Variants in CFAP97D2 observed in about 807,000 individuals in gnomAD.
CFAP97D2 encodes the protein CFAP97 domain containing 2.
At position 114,192,089 on chromosome 13, in the gene CFAP97D2, G is replaced by A. The variant is rs1254776457; in HGVS notation, c.91-4307G>A. Among the ~76,000 whole-genome samples, 3 of 152,062 alleles carry A rather than the reference G, an allele frequency of 2.0e-5. No individual in the cohort carries two copies. The East Asian group carries it at 5.8e-4, about 29-fold the overall frequency. On this transcript the variant is annotated intron_variant, in intron 1 of 4. Coordinates refer to ENST00000646158, the Ensembl canonical transcript of CFAP97D2. ...GTGGGTGGGTGGGGGGAGGAAGGAA[G>A]AGCTGGAGCACAGAGGATTTTTAGG...
intron 4 of CFAP97D2, among the ~76,000 whole-genome samples, chr13:114,216,945 A>G (rs1439559011): frequency 6.6e-6 from 1 of 152,174 alleles, no homozygotes; most frequent in African/African-American, 2.4e-5. Context: ...CATCTTCTCC[A>G]GCACCTGTTG....
chr13:114,188,648 G>A (rs2080858883), intron 1 of CFAP97D2, among the ~76,000 whole-genome samples: 1 of 151,534 alleles, frequency 6.6e-6, no homozygotes, highest in Non-Finnish European at 1.5e-5. Flanking sequence ...GTGGTGGTGG[G>A]CGCCTGTAGT....
intron 4 of CFAP97D2, among the ~76,000 whole-genome samples, chr13:114,220,924 T>C (rs2081018514): frequency 6.6e-6 from 1 of 152,166 alleles, no homozygotes; most frequent in African/African-American, 2.4e-5. Flanking sequence ...CAGGGTTAAG[T>C]GAATAACATT....
chr13:114,217,855 C>T (rs975162320), intron 4 of CFAP97D2, among the ~76,000 whole-genome samples: 5 of 152,122 alleles, frequency 3.3e-5, no homozygotes, highest in East Asian at 3.8e-4. Flanking sequence ...TCAATAAATT[C>T]GGTATTGATA....
intron 3 of CFAP97D2, among the ~76,000 whole-genome samples, chr13:114,205,607 C>G (rs935214978): frequency 3.3e-5 from 5 of 151,834 alleles, no homozygotes; most frequent in Non-Finnish European, 7.4e-5. Flanking sequence ...GCATTTAGAA[C>G]AGCTCGTCCC....
chr13:114,212,265 G>A, intron 4 of CFAP97D2: 1 of 394,118 alleles, frequency 2.5e-6, no homozygotes, highest in Admixed American at 4.4e-5. Context: ...CCTGTAACAG[G>A]AGATGCAAAA....
At chr13:114,194,545 G>A (rs1451256133) in intron 1 of CFAP97D2, among the ~76,000 whole-genome samples, 1 of 152,044 alleles carries the variant, frequency 6.6e-6, no homozygotes, top group Non-Finnish European at 1.5e-5. Flanking sequence ...AAGGGAGATC[G>A]GGTCTCCATT....
chr13:114,215,871 C>T (rs1286198855), intron 4 of CFAP97D2: 6 of 152,222 alleles, frequency 3.9e-5, no homozygotes, highest in African/African-American at 1.4e-4. Flanking sequence ...TGACAGATCA[C>T]TGTGGTGATG....
intron 1 of CFAP97D2, among the ~76,000 whole-genome samples, chr13:114,194,388 T>C (rs752598469): frequency 2.6e-5 from 4 of 152,228 alleles, no homozygotes; most frequent in Non-Finnish European, 5.9e-5. Context: ...TCAGAAACTC[T>C]ACAGGACAAA....
intron 4 of CFAP97D2, chr13:114,215,817 G>T (rs1387137558): frequency 6.6e-6 from 1 of 152,168 alleles, no homozygotes. Context: ...GTCCCTCTTT[G>T]ACTACAGGTG....
intron 1 of CFAP97D2, among the ~76,000 whole-genome samples, chr13:114,196,045 T>C (rs1221782780): frequency 7.1e-6 from 1 of 140,648 alleles, no homozygotes; most frequent in Admixed American, 7.6e-5. Context: ...ATTGCGCCAC[T>C]ATGCTCCAGC....
At chr13:114,210,931 G>A (rs1054879216) in intron 3 of CFAP97D2, among the ~76,000 whole-genome samples, 1 of 151,522 alleles carries the variant, frequency 6.6e-6, no homozygotes, top group Non-Finnish European at 1.5e-5. Flanking sequence ...TGCAGCACAT[G>A]GTGTGCTATG....
chr13:114,222,301 T>C lies in CFAP97D2; in HGVS notation c.481-197T>C, dbSNP rs1201424771. Among the ~76,000 whole-genome samples the C allele has an allele frequency of 1.3e-5, 2 of 152,186 alleles. No individual in the cohort carries two copies. The highest frequency in any genetic ancestry group is 4.8e-5 in the African/African-American group (2 of 41,438). ...GACAATAGTTGCACAACTCTGAATATACCAAAACACACTAAAATATACACT... is the reference window on the plus strand; with the variant it reads ...GACAATAGTTGCACAACTCTGAATACACCAAAACACACTAAAATATACACT... On this transcript the variant is annotated intron_variant, in intron 4 of 4. Transcript: ENST00000646158. This position sits in a 1 kb window ranked among gnomAD's most constrained non-coding sequence, Gnocchi z 4.4.
intron 1 of CFAP97D2, among the ~76,000 whole-genome samples, chr13:114,192,057 CGGGTGGGT>C (rs1195758607): frequency 8.8e-5 from 1 of 11,406 alleles, no homozygotes; most frequent in Non-Finnish European, 2.5e-4. Context: ...TAAAAAGATA[CGGGTGGGT>C]GGGTGGGTGG....
chr13:114,212,031 G>C, exon 4 of CFAP97D2: 1 of 398,702 alleles, frequency 2.5e-6, no homozygotes, highest in Non-Finnish European at 4.4e-6. Context: ...GTGAAGACTG[G>C]GGCAGGGCTG....
chr13:114,193,762 G>A (rs1400159013), intron 1 of CFAP97D2, among the ~76,000 whole-genome samples: 5 of 151,914 alleles, frequency 3.3e-5, no homozygotes, highest in Admixed American at 2.6e-4. Context: ...CTTATTTCTC[G>A]CAGTGCTGGA....
At chr13:114,196,624 T>C (rs1202387084) in intron 2 of CFAP97D2, 148 bp downstream of exon 2, 1 of 395,448 alleles carries the variant, frequency 2.5e-6, no homozygotes, top group Non-Finnish European at 4.5e-6. Context: ...GCCCCGTCTG[T>C]CCGTGAGGGA....
At chr13:114,200,913 A>G (rs2080915165) in intron 3 of CFAP97D2, among the ~76,000 whole-genome samples, 1 of 152,204 alleles carries the variant, frequency 6.6e-6, no homozygotes, top group Admixed American at 6.5e-5. Context: ...AAAAGCAGCA[A>G]AAGGTTTTGT....
chr13:114,203,293 AAACT>A lies in CFAP97D2; in HGVS notation c.290+2853_290+2856del, dbSNP rs1209671166. Among the ~76,000 whole-genome samples the A allele has an allele frequency of 6.6e-6, 1 of 152,232 alleles. No homozygotes were observed. The highest frequency in any genetic ancestry group is 1.5e-5 in the Non-Finnish European group (1 of 68,038). ...ACTTGCAATGAGCAATCTGAAGAGG[AAACT>A]AAGAAAACAATTCCATACTCAAAAG... On this transcript the variant is annotated intron_variant, in intron 3 of 4. Transcript: ENST00000646158. This position sits in a 1 kb window ranked among gnomAD's most constrained non-coding sequence, Gnocchi z 4.3.
Sources: allele counts gnomAD v4.1 joint callset (sites outside exome capture counted in the v4.1 genomes callset), GRCh38; gene constraint gnomAD v4.1.1; non-coding constraint Gnocchi (gnomAD v3.1); transcripts MANE v1.5; gene names NCBI Gene and HGNC (gene_info 2026-07-23, HGNC 2026-07-21).